The following MFSD6 variants were observed in gnomAD, a reference collection of about 807,000 sequenced individuals.
MFSD6 encodes major facilitator superfamily domain-containing protein 6.
Under a neutral mutation model 56.3 loss-of-function variants are expected in MFSD6, and 26 were observed. The ratio of observed to expected loss-of-function variants is 0.46; its 90% CI spans 0.34 to 0.64. The LOEUF (loss-of-function observed/expected upper bound fraction) is 0.64, where lower values mean the gene tolerates loss of function less well. Ranked by LOEUF, MFSD6 falls within the 30% of genes least tolerant of loss-of-function variation. The pLI is 0.01. For missense variants in MFSD6, 750 were observed against 986.2 expected, an observed-to-expected ratio of 0.76 and a Z score of 3.21; for synonymous variants, 331 against 366.9, an observed-to-expected ratio of 0.90 and a Z score of 1.12.
chr2:190,480,375 G>C (rs1251761669), intron 4 of MFSD6, among the ~76,000 whole-genome samples: 3 of 136,034 alleles, frequency 2.2e-5, no homozygotes, highest in Non-Finnish European at 4.7e-5. Flanking sequence ...CCTGTATCAT[G>C]TACTATAGTT....
rs760794680 is a variant in MFSD6, at chr2:190,500,120, G to C, written c.2278G>C (p.Ala760Pro). 6.2e-7 allele frequency: 1 copy of C among 1,614,178 alleles called. No individual in the cohort carries two copies. Among genetic ancestry groups the C allele is most frequent in the Non-Finnish European group, 8.5e-7 (1 of 1,180,028 alleles). ...SRNQPSPDAA[A>P]SQTQTSPAHP... ...AAACCAGCCATCCCCTGACGCAGCA[G>C]CATCTCAGACGCAGACCAGCCCCGC... Residue 760 changes from alanine (A) to proline (P), a missense_variant, in exon 8 of 8, where the codon GCA (alanine) becomes CCA (proline). Physicochemically the swap from Ala to Pro is conservative, Grantham distance 27. This residue lies in a region of MFSD6 where 172 missense variants were observed against 203.9 expected (regional missense o/e 0.84). Coordinates refer to ENST00000392328, the MANE Select transcript of MFSD6 (RefSeq NM_017694.4). The surrounding 1 kb of genome is among the most constrained non-coding windows in gnomAD (Gnocchi z 5.3).
rs1447077788 is a variant in MFSD6, at chr2:190,463,492, AT to A, written c.1533-6258del. ...CATCTATAACAATTCTGAAAAAAAA[AT>A]TTTTTTTAGGGACAAGTTTATATAG... On this transcript the variant is annotated intron_variant, in intron 3 of 7. Coordinates refer to ENST00000392328, the MANE Select transcript of MFSD6 (RefSeq NM_017694.4). This position sits in a 1 kb window ranked among gnomAD's most constrained non-coding sequence, Gnocchi z 4.4. Among the ~76,000 whole-genome samples, 8 of 152,198 alleles carry A rather than the reference AT, an allele frequency of 5.3e-5. No homozygotes were observed. Among genetic ancestry groups the A allele is most frequent in the East Asian group, 1.9e-4 (1 of 5,192 alleles).
In MFSD6 at chr2:190,497,931, C is replaced by T. The variant is rs146124620; in HGVS notation, c.2172+212C>T. 2,955 of 456,692 alleles carry T rather than the reference C, an allele frequency of 6.5e-3. 19 individuals are homozygous for T. Among genetic ancestry groups the T allele is most frequent in the Middle Eastern group, 0.012 (24 of 2,044 alleles). 28.3% of individuals were successfully genotyped at this position (456,692 alleles called of 1,614,324 possible). On this transcript the variant is annotated intron_variant, in intron 7 of 7. Coordinates refer to ENST00000392328, the MANE Select transcript of MFSD6 (RefSeq NM_017694.4). This position sits in a 1 kb window ranked among gnomAD's most constrained non-coding sequence, Gnocchi z 5.2. ...AGAGAATATTCTGCCTTATGGAGTT[C>T]AGGAAAACTTCAGAGGTTATGATTC... is the stretch of plus-strand genomic sequence containing the variant.
Position 190,434,623 on chromosome 2 carries a change from G to A in MFSD6, c.-53-1354G>A, listed in dbSNP as rs1300053606. Among the ~76,000 whole-genome samples, 1 of 152,024 alleles carries A rather than the reference G, an allele frequency of 6.6e-6. No homozygotes were observed. The highest frequency in any genetic ancestry group is 1.5e-5 in the Non-Finnish European group (1 of 68,018). On this transcript the variant is annotated intron_variant, in intron 2 of 7. Transcript: ENST00000392328. This position sits in a 1 kb window ranked among gnomAD's most constrained non-coding sequence, Gnocchi z 4.3. ...TAATTCTTGTACTTTTAGTAGAAACGGGGTTTCACCATGTTGGCCAGGATG... is the reference window on the plus strand; with the variant it reads ...TAATTCTTGTACTTTTAGTAGAAACAGGGTTTCACCATGTTGGCCAGGATG...
intron 4 of MFSD6, among the ~76,000 whole-genome samples, chr2:190,474,627 G>A (rs994708731): frequency 1.3e-5 from 2 of 152,048 alleles, no homozygotes; most frequent in Non-Finnish European, 2.9e-5. Context: ...AGCTGAATTC[G>A]ACCAGAGGTA....
chr2:190,420,059 A>T (rs941393570), intron 2 of MFSD6, among the ~76,000 whole-genome samples: 24 of 45,764 alleles, frequency 5.2e-4, no homozygotes, highest in African/African-American at 1.6e-3. Flanking sequence ...TATATTTTCA[A>T]GTTTCTTTTT....
intron 4 of MFSD6, among the ~76,000 whole-genome samples, chr2:190,479,289 A>G (rs138506812): frequency 9.8e-5 from 15 of 152,322 alleles, no homozygotes; most frequent in Non-Finnish European, 1.6e-4. Context: ...TTCAGCTACC[A>G]TTTGCAGCAA....
rs190299080 is a variant in MFSD6, at chr2:190,467,642, C to T, written c.1533-2116C>T. 7.2e-5 allele frequency among the ~76,000 whole-genome samples: 11 copies of T among 152,132 alleles called. No homozygotes were observed. The highest frequency in any genetic ancestry group is 3.4e-3 in the Middle Eastern group (1 of 294). The stretch of plus-strand genomic sequence containing the variant: ...AAAGAAAAAGAATTAAGGAGCGAGG[C>T]CAGGTCAGTGGCAAGCTGTGGCTCA... On this transcript the variant is annotated intron_variant, in intron 3 of 7. Coordinates refer to ENST00000392328, the MANE Select transcript of MFSD6 (RefSeq NM_017694.4). This position sits in a 1 kb window ranked among gnomAD's most constrained non-coding sequence, Gnocchi z 5.5.
chr2:190,470,392 G>A (rs1454824093), intron 4 of MFSD6, among the ~76,000 whole-genome samples: 2 of 152,012 alleles, frequency 1.3e-5, no homozygotes, highest in Non-Finnish European at 2.9e-5. Context: ...TCAGTGTACT[G>A]TCTCCCATCA....
In MFSD6 at chr2:190,451,377, T is replaced by C. The variant is rs1304390792; in HGVS notation, c.1532+13816T>C. On this transcript the variant is annotated intron_variant, in intron 3 of 7. Transcript: ENST00000392328. This position sits in a 1 kb window ranked among gnomAD's most constrained non-coding sequence, Gnocchi z 5.0. ...CCTCAACTATGAACAGTAGGTAGTATTGTTACTAATTCATTCCTCCAACAA... is the reference window on the plus strand; with the variant it reads ...CCTCAACTATGAACAGTAGGTAGTACTGTTACTAATTCATTCCTCCAACAA... Among the ~76,000 whole-genome samples the C allele has an allele frequency of 2.0e-5, 3 of 152,220 alleles. No individual in the cohort carries two copies. Among genetic ancestry groups the C allele is most frequent in the Non-Finnish European group, 4.4e-5 (3 of 68,040 alleles).
chr2:190,429,257 T>G (rs989151622), intron 2 of MFSD6, among the ~76,000 whole-genome samples: 1 of 151,998 alleles, frequency 6.6e-6, no homozygotes, highest in African/African-American at 2.4e-5. Flanking sequence ...TGTATACATA[T>G]ATCACCAAAA....
At chr2:190,449,896 G>T (rs910193090) in intron 3 of MFSD6, among the ~76,000 whole-genome samples, 13 of 152,092 alleles carry the variant, frequency 8.5e-5, no homozygotes, top group Non-Finnish European at 1.3e-4. Flanking sequence ...AATAGCTTTA[G>T]GAGATATACC....
rs1396576289 is a variant in MFSD6, at chr2:190,458,856, T to C, written c.1533-10902T>C. ...TGCATCTCTCCCTCTATTAGCTCTGTCTCCTTTTGGGCAGGCTTACTCATA... is the reference window on the plus strand; with the variant it reads ...TGCATCTCTCCCTCTATTAGCTCTGCCTCCTTTTGGGCAGGCTTACTCATA... On this transcript the variant is annotated intron_variant, in intron 3 of 7. Transcript: ENST00000392328. This position sits in a 1 kb window ranked among gnomAD's most constrained non-coding sequence, Gnocchi z 5.3. Among the ~76,000 whole-genome samples, 1 of 152,198 alleles carries C rather than the reference T, an allele frequency of 6.6e-6. No homozygotes were observed. Among genetic ancestry groups the C allele is most frequent in the African/African-American group, 2.4e-5 (1 of 41,444 alleles).
In MFSD6 at chr2:190,498,131, G is replaced by T. The variant is rs1207572089; in HGVS notation, c.2172+412G>T. 1.2e-5 allele frequency: 2 copies of T among 165,856 alleles called. No homozygotes were observed. The highest frequency in any genetic ancestry group is 4.8e-5 in the African/African-American group (2 of 41,540). 10.3% of individuals were successfully genotyped at this position (165,856 alleles called of 1,614,324 possible). ...TTAATCTGAGCCACTGTATGGGTCT[G>T]ATAGGACACCTAACTCAGTGGAATT... is the stretch of plus-strand genomic sequence containing the variant. On this transcript the variant is annotated intron_variant, in intron 7 of 7. Transcript: ENST00000392328. This position sits in a 1 kb window ranked among gnomAD's most constrained non-coding sequence, Gnocchi z 5.9.
At position 190,494,206 on chromosome 2, in the gene MFSD6, C is replaced by A. The variant is rs905164135; in HGVS notation, c.1892-3233C>A. ...CTGACACCACAGAAATACAAAAGAT[C>A]ATTCAAGGCTACTATTAACACCTTT... On this transcript the variant is annotated intron_variant, in intron 6 of 7. Coordinates refer to ENST00000392328, the MANE Select transcript of MFSD6 (RefSeq NM_017694.4). The surrounding 1 kb of genome is among the most constrained non-coding windows in gnomAD (Gnocchi z 5.7). Among the ~76,000 whole-genome samples the A allele has an allele frequency of 6.6e-6, 1 of 152,072 alleles. No individual in the cohort carries two copies. The highest frequency in any genetic ancestry group is 2.4e-5 in the African/African-American group (1 of 41,426).
chr2:190,422,866 A>AT (rs1685672406), intron 2 of MFSD6, among the ~76,000 whole-genome samples: 1 of 150,368 alleles, frequency 6.7e-6, no homozygotes, highest in African/African-American at 2.4e-5. Context: ...TATCTGTCTC[A>AT]TTTTTTCTCT....
At chr2:190,450,031 TAAAAA>T (rs572830285) in intron 3 of MFSD6, among the ~76,000 whole-genome samples, 3 of 151,490 alleles carry the variant, frequency 2.0e-5, no homozygotes, top group Middle Eastern at 6.8e-3. Flanking sequence ...AAAATAAAAT[TAAAAA>T]AAAGAAAAAG....
Position 190,451,526 on chromosome 2 carries a change from C to T in MFSD6, c.1532+13965C>T, listed in dbSNP as rs1488006641. Among the ~76,000 whole-genome samples, 1 of 152,196 alleles carries T rather than the reference C, an allele frequency of 6.6e-6. No homozygotes were observed. Among genetic ancestry groups the T allele is most frequent in the Non-Finnish European group, 1.5e-5 (1 of 68,034 alleles). ...ACATTCTACTGGGGCAGACAGTGAA[C>T]AGTAAGTAGATGATTTTACTTCTGA... On this transcript the variant is annotated intron_variant, in intron 3 of 7. Transcript: ENST00000392328. The surrounding 1 kb of genome is among the most constrained non-coding windows in gnomAD (Gnocchi z 5.0).
rs888086587 is a variant in MFSD6, at chr2:190,467,378, C to T, written c.1533-2380C>T. 9.0e-6 allele frequency among the ~76,000 whole-genome samples: 1 copy of T among 111,128 alleles called. No individual in the cohort carries two copies. Among genetic ancestry groups the T allele is most frequent in the Non-Finnish European group, 2.2e-5 (1 of 44,862 alleles). 72.9% of individuals were successfully genotyped at this position (111,128 alleles called of 152,430 possible). A position where few individuals can be genotyped will look rare whatever the true frequency, so the allele number is the denominator to read the frequency against. ...CTGTAATTCCAGCATTTTGGGAGGCCGAGGTGGGCGGACTACCTGAGGTCA... is the reference window on the plus strand; with the variant it reads ...CTGTAATTCCAGCATTTTGGGAGGCTGAGGTGGGCGGACTACCTGAGGTCA... On this transcript the variant is annotated intron_variant, in intron 3 of 7. Transcript: ENST00000392328. The surrounding 1 kb of genome is among the most constrained non-coding windows in gnomAD (Gnocchi z 5.5).
Sources: allele counts gnomAD v4.1 joint callset (sites outside exome capture counted in the v4.1 genomes callset), GRCh38; gene constraint gnomAD v4.1.1; regional missense constraint gnomAD v4.1.1; non-coding constraint Gnocchi (gnomAD v3.1); transcripts MANE v1.5; gene names NCBI Gene and HGNC (gene_info 2026-07-23, HGNC 2026-07-21).